The following LINS1 variants were observed in gnomAD, a reference collection of about 807,000 sequenced individuals.
LINS1 encodes the protein protein Lines homolog 1.
In LINS1, 27 loss-of-function variants were observed where a neutral mutation model predicts 41.6. The ratio of observed to expected loss-of-function variants is 0.65; its 90% confidence interval spans 0.48 to 0.89. The LOEUF (loss-of-function observed/expected upper bound fraction) is 0.89. LINS1 is among the 40% of genes least tolerant of loss of function. The probability of loss-of-function intolerance (pLI) is 0.00; values close to 1 mark genes in which losing one functional copy is unlikely to be tolerated. For synonymous variants in LINS1, 336 were observed against 312.9 expected (o/e 1.07, Z -0.78); for missense variants, 955 against 884.1 (o/e 1.08, Z -1.02).
In LINS1 at chr15:100,571,986, C is replaced by T. The variant is rs148166631; in HGVS notation, c.1302G>A (p.Pro434=). ...TGAAAACCCGAGACAGCCATTTGCA[C>T]GGATTGTGTAATTGCAGAGAGGGCT... ...HLQPSLQLHN[P]CKWLSRVFIE... is the part of the protein sequence containing the mutation. Residue 434 remains proline (P), a synonymous_variant, in exon 6 of 7, where the codon CCG becomes CCA. Coordinates refer to ENST00000314742, the MANE Select transcript of LINS1 (RefSeq NM_001040616.3). The T allele has an allele frequency of 5.0e-4, 806 of 1,614,120 alleles. 2 individuals are homozygous for T. In the African/African-American group the frequency reaches 8.7e-3, roughly 17 times the overall value.
chr15:100,587,274 C>A (rs1223038603), intron 1 of LINS1, among the ~76,000 whole-genome samples: 3 of 151,332 alleles, frequency 2.0e-5, no homozygotes. Context: ...CATTGCTTCA[C>A]ACTATGTCTA....
intron 1 of LINS1, among the ~76,000 whole-genome samples, chr15:100,591,615 C>T (rs1460125644): frequency 2.0e-5 from 3 of 151,984 alleles, no homozygotes; most frequent in African/African-American, 7.2e-5. Context: ...TGTTTTTTTT[C>T]CGCAAATCTC....
chr15:100,594,826 G>C (rs970144891), intron 1 of LINS1, among the ~76,000 whole-genome samples: 1 of 152,222 alleles, frequency 6.6e-6, no homozygotes, highest in Non-Finnish European at 1.5e-5. Context: ...TTTGATCTGG[G>C]GTTGGTTGAA....
chr15:100,574,209 T>C lies in LINS1; in HGVS notation c.664A>G (p.Thr222Ala). Reference sequence around the variant, plus strand: ...GAATTGTAAAACACTTCAAAAATGGTGTCGAAATGAGTCAGGAACTGCTTT... The same window carrying C: ...GAATTGTAAAACACTTCAAAAATGGCGTCGAAATGAGTCAGGAACTGCTTT... The part of the protein sequence containing the change: ...ILKQFLTHFD[T>A]IFEVFYNSLF... Residue 222 changes from threonine to alanine, a missense_variant, in exon 5 of 7, where the codon ACC (threonine) becomes GCC (alanine). Coordinates refer to ENST00000314742, the MANE Select transcript of LINS1 (RefSeq NM_001040616.3). 6.2e-7 allele frequency: 1 copy of C among 1,612,180 alleles called. No individual in the cohort carries two copies. The highest frequency in any genetic ancestry group is 8.5e-7 in the Non-Finnish European group (1 of 1,178,426).
Position 100,573,870 on chromosome 15 carries a change from G to A in LINS1, c.1003C>T (p.Leu335=). ...TGCAAAACAGCATTAGCTAAAGCCA[G>A]CATGTCCACCGCTACATGATGGTCT... ...PPDHHVAVDM[L]ALANAVLQAV... is the part of the protein sequence containing the mutation. The change falls in exon 5 of 7, where the codon CTG becomes TTG. Residue 335 remains leucine (L), a synonymous_variant. Coordinates refer to ENST00000314742, the MANE Select transcript of LINS1 (RefSeq NM_001040616.3). The A allele has an allele frequency of 6.2e-7, 1 of 1,614,220 alleles. No homozygotes were observed. The highest frequency in any genetic ancestry group is 8.5e-7 in the Non-Finnish European group (1 of 1,180,032).
At chr15:100,573,318 A>C in intron 5 of LINS1, 1 of 1,047,562 alleles carries the variant, frequency 9.5e-7, no homozygotes, top group Non-Finnish European at 1.2e-6. Flanking sequence ...TTAGATTAAA[A>C]AAAAAAAAAG....
chr15:100,589,535 G>T (rs2038945073), intron 1 of LINS1, among the ~76,000 whole-genome samples: 1 of 152,214 alleles, frequency 6.6e-6, no homozygotes, highest in Non-Finnish European at 1.5e-5. Flanking sequence ...TGGACTCATG[G>T]AGGACCAGGT....
intron 1 of LINS1, among the ~76,000 whole-genome samples, chr15:100,583,646 C>T (rs2038670725): frequency 6.6e-6 from 1 of 152,186 alleles, no homozygotes; most frequent in Non-Finnish European, 1.5e-5. Flanking sequence ...AAGGACCAAC[C>T]TACTGTCTAC....
chr15:100,583,791 A>G (rs968529592), intron 1 of LINS1, among the ~76,000 whole-genome samples: 12 of 152,258 alleles, frequency 7.9e-5, no homozygotes, highest in African/African-American at 2.9e-4. Context: ...GAACAAAATA[A>G]TCTCCTTAAT....
Position 100,569,079 on chromosome 15 carries a change from C to T in LINS1, c.*159G>A, listed in dbSNP as rs1478420448. The stretch of plus-strand genomic sequence containing the variant: ...GTGGAGGTTGCAGTGAGTCGAGTCA[C>T]GCCACTGCACTCCGGCCTGAGCGAC... On this transcript the variant is annotated 3_prime_UTR_variant, in exon 7 of 7. Coordinates refer to ENST00000314742, the MANE Select transcript of LINS1 (RefSeq NM_001040616.3). The T allele has an allele frequency of 2.1e-5, 11 of 521,430 alleles. No individual in the cohort carries two copies. The highest frequency in any genetic ancestry group is 5.2e-4 in the Middle Eastern group (1 of 1,916). 32.3% of individuals were successfully genotyped at this position (521,430 alleles called of 1,614,324 possible). A position where few individuals can be genotyped will look rare whatever the true frequency, so the allele number is the denominator to read the frequency against.
In LINS1 at chr15:100,573,923, C is replaced by T. The variant is rs369414775; in HGVS notation, c.950G>A (p.Arg317His). The T allele has an allele frequency of 2.6e-5, 42 of 1,614,228 alleles. No homozygotes were observed. Among genetic ancestry groups the T allele is most frequent in the South Asian group, 4.4e-5 (4 of 91,092 alleles). The change falls in exon 5 of 7, where the codon CGT becomes CAT. Residue 317 changes from arginine (R) to histidine (H), a missense_variant. Coordinates refer to ENST00000314742, the MANE Select transcript of LINS1 (RefSeq NM_001040616.3). ...LLCKVGEDLC[R>H]GSVPALMPPD... ...CGGCATTAAGGCAGGCACAGATCCA[C>T]GACAGAGGTCTTCACCCACTTTACA...
chr15:100,569,613 G>GA lies in LINS1; in HGVS notation c.1898_1899insT (p.Asp634ArgfsTer3), dbSNP rs749815331. 6.2e-6 allele frequency: 10 copies of GA among 1,612,780 alleles called. No individual in the cohort carries two copies. The highest frequency in any genetic ancestry group is 8.5e-6 in the Non-Finnish European group (10 of 1,179,160). On this transcript the variant is annotated frameshift_variant, in exon 7 of 7. Transcript: ENST00000314742. LOFTEE classifies it low-confidence loss of function (END_TRUNC). ...GCTCTGTGGATTCCACGTCAGAATCGTCAGAGCTGTCGTAATCTACCAGAC... is the reference window on the plus strand; with the variant it reads ...GCTCTGTGGATTCCACGTCAGAATCGATCAGAGCTGTCGTAATCTACCAGAC...
chr15:100,589,191 A>C (rs1294346544), intron 1 of LINS1, among the ~76,000 whole-genome samples: 23 of 152,232 alleles, frequency 1.5e-4, no homozygotes, highest in Admixed American at 1.4e-3. Context: ...GGTGTGTAAG[A>C]AAAGTGAAAG....
chr15:100,587,595 T>A (rs2038866472), intron 1 of LINS1, among the ~76,000 whole-genome samples: 1 of 152,184 alleles, frequency 6.6e-6, no homozygotes, highest in South Asian at 2.1e-4. Flanking sequence ...ATGATTTTTT[T>A]AAGTTCCTAA....
chr15:100,592,934 T>C (rs1413322552), intron 1 of LINS1, among the ~76,000 whole-genome samples: 1 of 152,238 alleles, frequency 6.6e-6, no homozygotes, highest in African/African-American at 2.4e-5. Context: ...AATTGAAAAC[T>C]GTAGTTTGTA....
chr15:100,597,804 T>C (rs1359936247), intron 1 of LINS1, among the ~76,000 whole-genome samples: 2 of 152,240 alleles, frequency 1.3e-5, no homozygotes, highest in African/African-American at 4.8e-5. Context: ...TGATACTGTC[T>C]AGATTTTACT....
At chr15:100,595,579 A>T (rs1166065758) in intron 1 of LINS1, among the ~76,000 whole-genome samples, 1 of 152,238 alleles carries the variant, frequency 6.6e-6, no homozygotes, top group Non-Finnish European at 1.5e-5. Flanking sequence ...AAAACGGCAC[A>T]TCCTCTTTGG....
intron 5 of LINS1, 191 bp from the exon 6 acceptor site, chr15:100,572,256 A>G (rs563846345): frequency 6.4e-6 from 9 of 1,408,356 alleles, no homozygotes; most frequent in Non-Finnish European, 8.3e-6. Flanking sequence ...TCAGGGAAAA[A>G]AAGTGACTCA....
At chr15:100,592,908 G>A (rs555823036) in intron 1 of LINS1, among the ~76,000 whole-genome samples, 18 of 152,314 alleles carry the variant, frequency 1.2e-4, no homozygotes, top group Middle Eastern at 3.4e-3. Context: ...ATAAATGTCC[G>A]TGGGTAGCCC....
Sources: allele counts gnomAD v4.1 joint callset (sites outside exome capture counted in the v4.1 genomes callset), GRCh38; gene constraint gnomAD v4.1.1; transcripts MANE v1.5; gene names NCBI Gene and HGNC (gene_info 2026-07-23, HGNC 2026-07-21).